Variants in CDKL4 observed in about 807,000 individuals in gnomAD.
CDKL4 encodes cyclin dependent kinase like 4.
CDKL4 carries 44 observed loss-of-function variants against 42.0 expected under a neutral mutation model. That is an observed-to-expected ratio of 1.05 (90% CI 0.82 to 1.35). CDKL4 has a LOEUF of 1.35. Ranked by LOEUF, CDKL4 falls within the 40% of genes most tolerant of loss-of-function variation. The pLI is 0.00. For missense variants in CDKL4, 393 were observed against 369.9 expected (o/e 1.06, Z -0.51); for synonymous variants, 120 against 121.6 (o/e 0.99, Z 0.09).
chr2:39,168,063 CAT>C, the CDKL4 span, among the ~76,000 whole-genome samples: 4 of 152,022 alleles, frequency 2.6e-5, no homozygotes, highest in East Asian at 1.9e-4. Context: ...TATTTAATCT[CAT>C]ATGTGGGTTT....
At chr2:39,199,268 C>CTAGGAATTTATCTCCTAGATTA (rs1397790816) in intron 5 of CDKL4, among the ~76,000 whole-genome samples, 2 of 151,996 alleles carry the variant, frequency 1.3e-5, no homozygotes, top group Admixed American at 1.3e-4. Flanking sequence ...TGGAAATATG[C>CTAGGAATTTATCTCCTAGATTA]AACTCTCCTA....
chr2:39,177,194 C>T (rs1016638169), intron 9 of CDKL4, among the ~76,000 whole-genome samples: 1 of 152,062 alleles, frequency 6.6e-6, no homozygotes, highest in Non-Finnish European at 1.5e-5. Flanking sequence ...AGCTGGGTTG[C>T]AGGCATTGAA....
chr2:39,169,697 T>C, the CDKL4 span, among the ~76,000 whole-genome samples: 4 of 152,204 alleles, frequency 2.6e-5, no homozygotes, highest in Non-Finnish European at 5.9e-5. Context: ...AAATGTTGTG[T>C]CAAGGATACA....
In CDKL4 at chr2:39,212,808, C is replaced by T. The variant is rs1249201789; in HGVS notation, c.363+592G>A. Among the ~76,000 whole-genome samples, 12 of 152,120 alleles carry T rather than the reference C, an allele frequency of 7.9e-5. No individual in the cohort carries two copies. In the East Asian group the frequency reaches 1.9e-3, roughly 25 times the overall value. On this transcript the variant is annotated intron_variant, in intron 4 of 9. Transcript: ENST00000451199. ...CCAGGTAGCTAGGATTACAGGTGCGCACCACCATGGCTGGCTAATTTTTAT... is the reference window on the plus strand; with the variant it reads ...CCAGGTAGCTAGGATTACAGGTGCGTACCACCATGGCTGGCTAATTTTTAT...
intron 3 of CDKL4, among the ~76,000 whole-genome samples, chr2:39,213,893 T>G (rs1677746607): frequency 7.9e-6 from 1 of 126,396 alleles, no homozygotes; most frequent in Non-Finnish European, 1.7e-5. Context: ...GTACTTTTTT[T>G]GTTTTGTTTT....
chr2:39,217,906 T>C (rs541107733), intron 3 of CDKL4, among the ~76,000 whole-genome samples: 1 of 152,098 alleles, frequency 6.6e-6, no homozygotes, highest in South Asian at 2.1e-4. Flanking sequence ...GCTAACTTTG[T>C]ATTTTTAGTA....
chr2:39,240,825 C>T (rs967572041), intron 1 of CDKL4, among the ~76,000 whole-genome samples: 4 of 152,108 alleles, frequency 2.6e-5, no homozygotes, highest in Non-Finnish European at 4.4e-5. Flanking sequence ...AAGGGCACAT[C>T]TCCTCTGTGG....
At chr2:39,222,238 T>G (rs1678416774) in intron 3 of CDKL4, among the ~76,000 whole-genome samples, 1 of 152,014 alleles carries the variant, frequency 6.6e-6, no homozygotes, top group Non-Finnish European at 1.5e-5. Flanking sequence ...AAGGAAGAAA[T>G]TCCATCCAGA....
At chr2:39,231,391 A>T (rs1196618781) in intron 1 of CDKL4, among the ~76,000 whole-genome samples, 17 of 152,216 alleles carry the variant, frequency 1.1e-4, no homozygotes, top group Admixed American at 1.1e-3. Flanking sequence ...GTCTTTTCCA[A>T]CTACAGATTA....
At chr2:39,222,480 T>C (rs998256390) in intron 3 of CDKL4, among the ~76,000 whole-genome samples, 2 of 151,754 alleles carry the variant, frequency 1.3e-5, no homozygotes, top group Admixed American at 1.3e-4. Flanking sequence ...GTCCCAGGTA[T>C]TTGGGAGGCT....
chr2:39,183,810 G>A (rs564274476), intron 8 of CDKL4, among the ~76,000 whole-genome samples: 1 of 152,168 alleles, frequency 6.6e-6, no homozygotes, highest in East Asian at 1.9e-4. Context: ...AGAGCACAGG[G>A]GTATCAGGCT....
At chr2:39,239,972 C>G (rs1679576486) in intron 1 of CDKL4, among the ~76,000 whole-genome samples, 1 of 151,538 alleles carries the variant, frequency 6.6e-6, no homozygotes, top group African/African-American at 2.4e-5. Context: ...CACTTGTAAT[C>G]CCAGCTACTT....
At position 39,181,611 on chromosome 2, in the gene CDKL4, A is replaced by G. The variant is rs1301980432; in HGVS notation, c.793-2290T>C. Among the ~76,000 whole-genome samples, 3 of 152,190 alleles carry G rather than the reference A, an allele frequency of 2.0e-5. No homozygotes were observed. The South Asian group carries it at 6.2e-4, about 31-fold the overall frequency. ...CCTTATTTGGAAATAAGTTCTTTGC[A>G]GATGTAATTAGTGAAGACAAGGTCA... On this transcript the variant is annotated intron_variant, in intron 8 of 9. Transcript: ENST00000451199.
At chr2:39,219,903 G>C (rs538780898) in intron 3 of CDKL4, among the ~76,000 whole-genome samples, 49 of 152,280 alleles carry the variant, frequency 3.2e-4, no homozygotes, top group African/African-American at 1.2e-3. Context: ...CACAGGTTCA[G>C]AGCTTTAATA....
chr2:39,207,494 T>C (rs1677275736), intron 4 of CDKL4, among the ~76,000 whole-genome samples: 1 of 152,242 alleles, frequency 6.6e-6, no homozygotes, highest in Admixed American at 6.5e-5. Context: ...GTAACACTCA[T>C]ACTTGGTGAT....
At chr2:39,177,550 G>A (rs1429293290) in intron 9 of CDKL4, among the ~76,000 whole-genome samples, 2 of 151,146 alleles carry the variant, frequency 1.3e-5, no homozygotes, top group African/African-American at 2.4e-5. Context: ...GATTACAGGC[G>A]CCCACCACTA....
chr2:39,232,890 A>G (rs1400254841), intron 1 of CDKL4, among the ~76,000 whole-genome samples: 5 of 151,578 alleles, frequency 3.3e-5, no homozygotes, highest in Admixed American at 3.3e-4. Flanking sequence ...CTAAAAATAC[A>G]AAAAATTAGC....
chr2:39,192,248 A>G (rs1008360697), intron 5 of CDKL4, among the ~76,000 whole-genome samples: 1 of 152,228 alleles, frequency 6.6e-6, no homozygotes, highest in Non-Finnish European at 1.5e-5. Flanking sequence ...ACATGAAAAA[A>G]TACATAAGGA....
chr2:39,203,972 A>G (rs898541955), intron 5 of CDKL4, among the ~76,000 whole-genome samples: 2 of 152,170 alleles, frequency 1.3e-5, no homozygotes, highest in Admixed American at 1.3e-4. Context: ...GCTAATACAT[A>G]TATTTGTCTG....
Sources: gnomAD v4.1 joint callset for allele counts (sites outside exome capture counted in the v4.1 genomes callset) on GRCh38, gnomAD v4.1.1 for gene constraint, MANE v1.5 for transcripts, NCBI Gene and HGNC (gene_info 2026-07-23, HGNC 2026-07-21) for gene names.